The following ZNF577 variants were observed in gnomAD, a reference collection of about 807,000 sequenced individuals.
ZNF577 encodes zinc finger protein 577.
Under a neutral mutation model 13.9 loss-of-function variants are expected in ZNF577, and 14 were observed. The observed-to-expected ratio is 1.00, with a 90% CI of 0.66 to 1.57. The LOEUF (loss-of-function observed/expected upper bound fraction) is 1.57, where lower values mean the gene tolerates loss of function less well. Among genes scored for constraint, ZNF577 ranks in the 40% most tolerant of loss-of-function variants. ZNF577 has a pLI of 0.00. For synonymous variants in ZNF577, 203 were observed against 202.9 expected, an observed-to-expected ratio of 1.00 and a Z score of 0.00; for missense variants, 555 against 579.2, an observed-to-expected ratio of 0.96 and a Z score of 0.43.
At chr19:51,866,137 T>C (rs1345828182), downstream of ZNF577, among the ~76,000 whole-genome samples, 3 of 149,068 alleles carry the variant, frequency 2.0e-5, no homozygotes, top group Non-Finnish European at 4.5e-5. Context: ...ATTAAAGATA[T>C]CTGGTTTGGT....
chr19:51,874,005 G>T (rs960315550), intron 5 of ZNF577, among the ~76,000 whole-genome samples: 5 of 152,164 alleles, frequency 3.3e-5, no homozygotes, highest in African/African-American at 1.2e-4. Flanking sequence ...TCAGAGTAAT[G>T]TACCTCACAC....
At position 51,873,218 on chromosome 19, in the gene ZNF577, T is replaced by A. The variant is rs376076380; in HGVS notation, c.772A>T (p.Asn258Tyr). 128 of 1,613,860 alleles carry A rather than the reference T, an allele frequency of 7.9e-5. No homozygotes were observed. The highest frequency in any genetic ancestry group is 1.1e-4 in the Non-Finnish European group (125 of 1,179,852). Residue 258 changes from asparagine to tyrosine, a missense_variant, in exon 6 of 6, where the codon AAT becomes TAT. Transcript: ENST00000638348. ...CCAGTATGTGATCGCTGATGTCTAT[T>A]GAGCCGGCACTTCCGGCTGAAGGCT... Reference protein sequence around the residue: ...GKAFSRKCRLNRHQRSHTGEK... With the variant: ...GKAFSRKCRLYRHQRSHTGEK...
chr19:51,835,380 T>C (rs951291692), intron 9 of ZNF577, among the ~76,000 whole-genome samples: 8 of 148,892 alleles, frequency 5.4e-5, no homozygotes, highest in Non-Finnish European at 1.2e-4. Context: ...CAATACCTAG[T>C]AAAGAAATTG....
intron 10 of ZNF577, among the ~76,000 whole-genome samples, chr19:51,809,427 C>T (rs2084082692): frequency 6.6e-6 from 1 of 152,186 alleles, no homozygotes; most frequent in Non-Finnish European, 1.5e-5. Flanking sequence ...GTGTACTACA[C>T]AGGTAGGTCT....
intron 9 of ZNF577, among the ~76,000 whole-genome samples, chr19:51,828,536 A>C (rs1397613406): frequency 6.6e-6 from 1 of 152,192 alleles, no homozygotes; most frequent in East Asian, 1.9e-4. Context: ...ATTGCAGTAG[A>C]ACAGTGCCTG....
In ZNF577 at chr19:51,870,492, A is replaced by C. The variant is rs975949536; in HGVS notation, c.*2040T>G. Among the ~76,000 whole-genome samples, 2 of 152,196 alleles carry C rather than the reference A, an allele frequency of 1.3e-5. No homozygotes were observed. The highest frequency in any genetic ancestry group is 2.4e-5 in the African/African-American group (1 of 41,442). ...CCACAGAGGCAATACTCCTTACTTAAGGTCCACTGTGATTCTCCAAATGTT... is the reference window on the plus strand; with the variant it reads ...CCACAGAGGCAATACTCCTTACTTACGGTCCACTGTGATTCTCCAAATGTT... On this transcript the variant is annotated 3_prime_UTR_variant, in exon 6 of 6. Transcript: ENST00000638348.
rs116695370 is a variant in ZNF577 at position 51,873,202 on chromosome 19, G to A, written c.788C>T (p.Ser263Leu). 2,621 of 1,614,098 alleles carry A rather than the reference G, an allele frequency of 1.6e-3. 40 individuals carry two copies. The African/African-American group carries it at 0.029, about 18-fold the overall frequency. The change falls in exon 6 of 6, where the codon TCA (serine) becomes TTA (leucine). Residue 263 changes from serine (S) to leucine (L), a missense_variant. Transcript: ENST00000638348. Reference protein sequence around the residue: ...RKCRLNRHQRSHTGEKLYGCS... With the variant: ...RKCRLNRHQRLHTGEKLYGCS... Reference sequence around the variant, plus strand: ...CCCATAGAGTTTCTCTCCAGTATGTGATCGCTGATGTCTATTGAGCCGGCA... The same window carrying A: ...CCCATAGAGTTTCTCTCCAGTATGTAATCGCTGATGTCTATTGAGCCGGCA...
Position 51,869,462 on chromosome 19 carries a change from T to C in ZNF577, c.*3070A>G, listed in dbSNP as rs1015878555. On this transcript the variant is annotated 3_prime_UTR_variant, in exon 6 of 6. Transcript: ENST00000638348. ...TTTCCTGCTGACCCTCTCCCCACCA[T>C]TACCCTATAGTCCTGCCACATCCCC... Among the ~76,000 whole-genome samples the C allele has an allele frequency of 4.6e-5, 7 of 152,124 alleles. No homozygotes were observed. The highest frequency in any genetic ancestry group is 4.6e-4 in the Admixed American group (7 of 15,260).
intron 9 of ZNF577, among the ~76,000 whole-genome samples, chr19:51,827,392 T>C (rs1013089061): frequency 2.6e-5 from 4 of 152,214 alleles, no homozygotes; most frequent in African/African-American, 9.6e-5. Context: ...GTATGGTACT[T>C]GATATGTTTC....
chr19:51,877,621 T>C, intron 4 of ZNF577: 1 of 357,646 alleles, frequency 2.8e-6, no homozygotes, highest in Non-Finnish European at 5.1e-6. Context: ...AAATAACAAT[T>C]GTTGGCAAAG....
chr19:51,842,847 C>G (rs1245119783), exon 8 of ZNF577: 1 of 152,242 alleles, frequency 6.6e-6, no homozygotes, highest in Non-Finnish European at 1.5e-5. Context: ...TGGGAATTCT[C>G]TCTCTACTAT....
chr19:51,835,662 A>G (rs10420568), intron 9 of ZNF577, among the ~76,000 whole-genome samples: 58,181 of 151,986 alleles, frequency 0.38, 11,328 homozygotes, highest in South Asian at 0.49. Context: ...CAGAAAAGTT[A>G]TGTTTTCACT....
chr19:51,825,720 G>T (rs2084227929), intron 9 of ZNF577: 1 of 167,080 alleles, frequency 6.0e-6, no homozygotes, highest in East Asian at 1.9e-4. Context: ...TATTTCCTCA[G>T]GGAAAATACT....
intron 9 of ZNF577, among the ~76,000 whole-genome samples, chr19:51,827,410 T>C (rs377160670): frequency 7.2e-5 from 11 of 152,318 alleles, no homozygotes; most frequent in African/African-American, 2.4e-4. Context: ...TTCTTTCAAG[T>C]AATGAGAATG....
chr19:51,867,583 G>A lies in ZNF577; in HGVS notation c.*4949C>T, dbSNP rs2084584732. Reference sequence around the variant, plus strand: ...AGGTCAGGAGTTCGAGACCAGACTGGCCAACATGATGAAACCCCGTCTCTA... The same window carrying A: ...AGGTCAGGAGTTCGAGACCAGACTGACCAACATGATGAAACCCCGTCTCTA... On this transcript the variant is annotated 3_prime_UTR_variant, in exon 6 of 6. Transcript: ENST00000638348. Among the ~76,000 whole-genome samples, 1 of 149,006 alleles carries A rather than the reference G, an allele frequency of 6.7e-6. No individual in the cohort carries two copies.
At chr19:51,825,010 A>G in intron 9 of ZNF577, 1 of 570,550 alleles carries the variant, frequency 1.8e-6, no homozygotes, top group South Asian at 2.3e-5. Flanking sequence ...TTAAATTCCA[A>G]CACTATCTAC....
chr19:51,831,603 C>T (rs962683307), intron 9 of ZNF577, among the ~76,000 whole-genome samples: 1 of 150,896 alleles, frequency 6.6e-6, no homozygotes, highest in Non-Finnish European at 1.5e-5. Context: ...GTTATTTACA[C>T]AGCAGCCAAA....
At position 51,867,615 on chromosome 19, in the gene ZNF577, A is replaced by C. The variant is rs1568445357; in HGVS notation, c.*4917T>G. 7.0e-6 allele frequency among the ~76,000 whole-genome samples: 1 copy of C among 143,654 alleles called. No homozygotes were observed. Among genetic ancestry groups the C allele is most frequent in the African/African-American group, 2.5e-5 (1 of 39,414 alleles). The allele number at this position is 143,654 out of a possible 152,430, so 94.2% of individuals were successfully genotyped here. ...TGATGAAACCCCGTCTCTACTAAAA[A>C]TACAAAAAAAAAAAAAAAAATTAGC... is the stretch of plus-strand genomic sequence containing the variant. On this transcript the variant is annotated 3_prime_UTR_variant, in exon 6 of 6. Coordinates refer to ENST00000638348, the MANE Select transcript of ZNF577 (RefSeq NM_001370449.1).
chr19:51,852,443 C>T (rs2084383603), intron 5 of ZNF577, among the ~76,000 whole-genome samples: 2 of 152,194 alleles, frequency 1.3e-5, no homozygotes, highest in African/African-American at 4.8e-5. Flanking sequence ...CTCCAGACAG[C>T]GAAAACCAAT....
Sources: allele counts gnomAD v4.1 joint callset (sites outside exome capture counted in the v4.1 genomes callset), GRCh38; gene constraint gnomAD v4.1.1; transcripts MANE v1.5; gene names NCBI Gene and HGNC (gene_info 2026-07-23, HGNC 2026-07-21).